DRC9: variants seen among roughly 807,000 people sequenced by gnomAD.
DRC9 encodes the protein dynein regulatory complex subunit 9.
At chr3:197,932,979 GTATTATATATTACA>G in the DRC9 span, among the ~76,000 whole-genome samples, 2 of 96,182 alleles carry the variant, frequency 2.1e-5, no homozygotes, top group African/African-American at 1.3e-4. Flanking sequence ...ATATTATATT[GTATTATATATTACA>G]TATTATATAT....
the DRC9 span, among the ~76,000 whole-genome samples, chr3:197,938,064 C>T: frequency 1.3e-5 from 2 of 151,788 alleles, no homozygotes; most frequent in Admixed American, 1.3e-4. Flanking sequence ...GCCTGTAATC[C>T]CAGCACTTTG....
At chr3:197,905,369 C>T in the DRC9 span, among the ~76,000 whole-genome samples, 1 of 151,864 alleles carries the variant, frequency 6.6e-6, no homozygotes, top group African/African-American at 2.4e-5. Flanking sequence ...ACTATGTGCC[C>T]ACAAAAATTA....
the DRC9 span, among the ~76,000 whole-genome samples, chr3:197,918,258 CTTTTTT>C: frequency 2.2e-4 from 13 of 60,308 alleles, no homozygotes; most frequent in African/African-American, 7.0e-4. Flanking sequence ...TAATTTTTTG[CTTTTTT>C]TTTTTTTTTT....
At chr3:197,903,106 T>A in the DRC9 span, among the ~76,000 whole-genome samples, 1 of 152,180 alleles carries the variant, frequency 6.6e-6, no homozygotes, top group Admixed American at 6.5e-5. Context: ...TGAATGGTGC[T>A]GGGAAAACTG....
At chr3:197,913,318 T>TTGCGTGTGTGCGTGCG in the DRC9 span, 9 of 183,678 alleles carry the variant, frequency 4.9e-5, no homozygotes, top group East Asian at 5.2e-4. Context: ...GTGCCTGGCT[T>TTGCGTGTGTGCGTGCG]TGCGTGTGTG....
the DRC9 span, among the ~76,000 whole-genome samples, chr3:197,924,499 A>G: frequency 6.6e-6 from 1 of 152,228 alleles, no homozygotes; most frequent in Non-Finnish European, 1.5e-5. Flanking sequence ...TGAAAAGCTG[A>G]TAACGGGCCA....
the DRC9 span, chr3:197,943,786 T>C: frequency 1.8e-5 from 29 of 1,613,982 alleles, no homozygotes; most frequent in South Asian, 1.8e-4. Flanking sequence ...ACCACGCAGA[T>C]GCTCTGTCTC....
chr3:197,919,620 C>G, the DRC9 span, among the ~76,000 whole-genome samples: 1 of 152,128 alleles, frequency 6.6e-6, no homozygotes, highest in Admixed American at 6.6e-5. Flanking sequence ...TTCAGAGAAG[C>G]ATGATTTACT....
chr3:197,907,721 C>T, the DRC9 span, among the ~76,000 whole-genome samples: 1 of 152,140 alleles, frequency 6.6e-6, no homozygotes, highest in Non-Finnish European at 1.5e-5. Flanking sequence ...GAGCCGTTTC[C>T]AAGGCATCCT....
chr3:197,932,060 T>G, the DRC9 span: 1 of 1,158,728 alleles, frequency 8.6e-7, no homozygotes, highest in Non-Finnish European at 1.2e-6. Context: ...TGACTTCTAG[T>G]TATCTTCCCT....
the DRC9 span, chr3:197,889,682 C>G: frequency 1.2e-6 from 2 of 1,614,140 alleles, no homozygotes; most frequent in Admixed American, 3.3e-5. Context: ...CAATTTCTCT[C>G]CGTATCATAG....
At chr3:197,929,049 T>C in the DRC9 span, among the ~76,000 whole-genome samples, 1 of 152,182 alleles carries the variant, frequency 6.6e-6, no homozygotes, top group Admixed American at 6.5e-5. This position sits in a 1 kb window ranked among gnomAD's most constrained non-coding sequence, Gnocchi z 4.6. Context: ...TTGGTTAGTT[T>C]TGGCCAGGTT....
the DRC9 span, chr3:197,953,784 A>T: frequency 1.6e-6 from 1 of 607,988 alleles, no homozygotes; most frequent in Non-Finnish European, 2.9e-6. Flanking sequence ...TTATCATGTG[A>T]AAGATTTTTG....
At chr3:197,957,985 G>A in the DRC9 span, 1 of 152,190 alleles carries the variant, frequency 6.6e-6, no homozygotes, top group Non-Finnish European at 1.5e-5. Context: ...CACATGAGAG[G>A]TCTCCTGTAC....
chr3:197,889,496 C>T, the DRC9 span: 1 of 1,493,566 alleles, frequency 6.7e-7, no homozygotes, highest in South Asian at 1.1e-5. Context: ...GATGAGTCAT[C>T]TTTGAGGTAC....
the DRC9 span, among the ~76,000 whole-genome samples, chr3:197,931,900 C>G: frequency 1.3e-5 from 2 of 152,128 alleles, no homozygotes; most frequent in South Asian, 4.1e-4. Context: ...GCTGGGATTA[C>G]AAGCGTGAGC....
chr3:197,947,511 C>T, the DRC9 span, among the ~76,000 whole-genome samples: 8,570 of 152,270 alleles, frequency 0.056, 302 homozygotes, highest in South Asian at 0.087. Context: ...CAGTTCTTCT[C>T]TGGACTCATG....
the DRC9 span, among the ~76,000 whole-genome samples, chr3:197,915,441 C>G: frequency 6.6e-6 from 1 of 151,970 alleles, no homozygotes; most frequent in Admixed American, 6.6e-5. Flanking sequence ...TTCCAACTGT[C>G]ATGGGAATCC....
chr3:197,938,935 G>A, the DRC9 span: 13 of 620,178 alleles, frequency 2.1e-5, no homozygotes, highest in South Asian at 1.2e-4. Context: ...CAAACCACAC[G>A]CGCCCTGCTG....
Sources: allele counts gnomAD v4.1 joint callset (sites outside exome capture counted in the v4.1 genomes callset), GRCh38; gene constraint gnomAD v4.1.1; non-coding constraint Gnocchi (gnomAD v3.1); transcripts MANE v1.5; gene names NCBI Gene and HGNC (gene_info 2026-07-23, HGNC 2026-07-21).